The following CHN2 variants were observed in gnomAD, a reference collection of about 807,000 sequenced individuals.
CHN2 encodes chimerin 2.
A neutral mutation model predicts 56.3 loss-of-function variants in CHN2; 35 were observed. The observed-to-expected ratio is 0.62, with a 90% CI of 0.47 to 0.82. The LOEUF (loss-of-function observed/expected upper bound fraction) is 0.82. Among genes scored for constraint, CHN2 ranks in the 40% least tolerant of loss-of-function variants. The probability of loss-of-function intolerance (pLI) is 0.00; values close to 1 mark genes in which losing one functional copy is unlikely to be tolerated. For missense variants in CHN2, 491 were observed against 580.5 expected (o/e 0.85, Z 1.58); for synonymous variants, 210 against 212.8 (o/e 0.99, Z 0.12).
chr7:29,204,627 A>T (rs1784395950), intron 1 of CHN2, among the ~76,000 whole-genome samples: 1 of 152,116 alleles, frequency 6.6e-6, no homozygotes, highest in African/African-American at 2.4e-5. Context: ...GGTTAGCTCT[A>T]GCCAAATATC....
At chr7:29,346,321 C>G (rs1392955384) in intron 1 of CHN2, among the ~76,000 whole-genome samples, 2 of 152,204 alleles carry the variant, frequency 1.3e-5, no homozygotes, top group Admixed American at 1.3e-4. Context: ...ACATCCCACT[C>G]CTGCTGTTGT....
chr7:29,398,066 G>GTT (rs1801902086), intron 4 of CHN2: 1 of 228,944 alleles, frequency 4.4e-6, no homozygotes, highest in African/African-American at 2.3e-5. Flanking sequence ...AAAGGGGGGG[G>GTT]GGGGGCGGTG....
chr7:29,504,773 T>C lies in CHN2; in HGVS notation c.943T>C (p.Ser315Pro). ...GLKSEGLYRV[S>P]GFTEHIEDVK... ...AAAATCGGAAGGCCTTTACAGAGTCTCTGGGTTCACTGAACACATTGAAGA... is the reference window on the plus strand; with the variant it reads ...AAAATCGGAAGGCCTTTACAGAGTCCCTGGGTTCACTGAACACATTGAAGA... Residue 315 changes from serine to proline, a missense_variant, in exon 10 of 13, where the codon TCT becomes CCT. By Grantham distance (74) the Ser-to-Pro change is moderately conservative. Transcript: ENST00000222792. The C allele has an allele frequency of 6.2e-7, 1 of 1,613,368 alleles. No individual in the cohort carries two copies. Among genetic ancestry groups the C allele is most frequent in the Non-Finnish European group, 8.5e-7 (1 of 1,179,738 alleles).
intron 2 of CHN2, among the ~76,000 whole-genome samples, chr7:29,159,521 T>TTG (rs1461070413): frequency 2.0e-5 from 3 of 152,234 alleles, no homozygotes. Flanking sequence ...ATGTAACATG[T>TTG]ATGTGTTATC....
chr7:29,147,171 G>C (rs1027403877), intron 2 of CHN2: 1 of 650,522 alleles, frequency 1.5e-6, no homozygotes, highest in Non-Finnish European at 2.6e-6. Flanking sequence ...GCTGGGCATC[G>C]AGCCAGACAG....
At chr7:29,254,697 GA>G (rs1236961090) in intron 1 of CHN2, among the ~76,000 whole-genome samples, 1 of 152,096 alleles carries the variant, frequency 6.6e-6, no homozygotes, top group Non-Finnish European at 1.5e-5. Context: ...AGCTGCCCCA[GA>G]AAAATCACAC....
At chr7:29,321,879 T>C (rs1191780552) in intron 1 of CHN2, among the ~76,000 whole-genome samples, 1 of 152,142 alleles carries the variant, frequency 6.6e-6, no homozygotes, top group Non-Finnish European at 1.5e-5. Context: ...AAACCCACTT[T>C]TCTATACCTT....
At chr7:29,263,354 C>CA (rs1345547907) in intron 1 of CHN2, among the ~76,000 whole-genome samples, 2 of 152,200 alleles carry the variant, frequency 1.3e-5, no homozygotes, top group Non-Finnish European at 2.9e-5. Context: ...GGCTGGAGTG[C>CA]AGTGGCGTGA....
intron 6 of CHN2, among the ~76,000 whole-genome samples, chr7:29,458,510 C>G (rs1784932539): frequency 6.6e-6 from 1 of 152,036 alleles, no homozygotes; most frequent in African/African-American, 2.4e-5. Context: ...TGTGTCTCAC[C>G]CCTGCCCCCA....
At chr7:29,256,079 CT>C (rs1789053602) in intron 1 of CHN2, among the ~76,000 whole-genome samples, 2 of 152,082 alleles carry the variant, frequency 1.3e-5, no homozygotes. Context: ...TTTTTTCTTT[CT>C]TTTCGTTCAT....
chr7:29,158,875 C>T (rs1167010661), intron 2 of CHN2, among the ~76,000 whole-genome samples: 1 of 152,216 alleles, frequency 6.6e-6, no homozygotes, highest in African/African-American at 2.4e-5. Context: ...TCTGTATAAA[C>T]ATTCCTTTGG....
At chr7:29,457,643 T>G (rs113171700) in intron 6 of CHN2, among the ~76,000 whole-genome samples, 270 of 152,362 alleles carry the variant, frequency 1.8e-3, no homozygotes, top group Non-Finnish European at 2.6e-3. Context: ...GTCTCTGGCC[T>G]TGGAGAACTC....
chr7:29,482,971 G>A (rs568949983), intron 7 of CHN2, among the ~76,000 whole-genome samples: 31 of 151,388 alleles, frequency 2.0e-4, no homozygotes, highest in African/African-American at 5.3e-4. Flanking sequence ...ACAGGCGCCC[G>A]CCAACACACC....
chr7:29,353,379 C>T (rs191016510), intron 1 of CHN2, among the ~76,000 whole-genome samples: 74 of 152,296 alleles, frequency 4.9e-4, no homozygotes, highest in African/African-American at 1.7e-3. Flanking sequence ...AACAGCCAGG[C>T]GCAGTGGCTC....
rs930370845 is a variant in CHN2 at position 29,401,125 on chromosome 7, G to A, written c.576+297G>A. 5.5e-4 allele frequency: 172 copies of A among 312,262 alleles called. 3 individuals carry two copies. The highest frequency in any genetic ancestry group is 1.7e-3 in the South Asian group (45 of 26,096). The allele number at this position is 312,262 out of a possible 1,614,324, so 19.3% of individuals were successfully genotyped here. Reference sequence around the variant, plus strand: ...CTACAAAAAATACAAAAAATCAGCCGGGTGTGGTGGTGGGCGCCTGTAGTC... The same window carrying A: ...CTACAAAAAATACAAAAAATCAGCCAGGTGTGGTGGTGGGCGCCTGTAGTC... On this transcript the variant is annotated intron_variant, in intron 6 of 12. Transcript: ENST00000222792.
At chr7:29,201,484 G>A (rs1661328383) in intron 1 of CHN2, among the ~76,000 whole-genome samples, 1 of 151,782 alleles carries the variant, frequency 6.6e-6, no homozygotes, top group African/African-American at 2.4e-5. Flanking sequence ...CAAAAAAGAA[G>A]TCATAAAGCG....
chr7:29,214,919 G>T (rs754489340), intron 1 of CHN2, among the ~76,000 whole-genome samples: 1 of 152,140 alleles, frequency 6.6e-6, no homozygotes, highest in Non-Finnish European at 1.5e-5. Flanking sequence ...AAATAGATAC[G>T]TAGCAGTCCA....
intron 1 of CHN2, among the ~76,000 whole-genome samples, chr7:29,305,045 G>T (rs1794032822): frequency 6.6e-6 from 1 of 152,158 alleles, no homozygotes; most frequent in South Asian, 2.1e-4. Context: ...CTGTCCTGGA[G>T]AGCTACTTGG....
At chr7:29,338,702 C>T (rs1037135131) in intron 1 of CHN2, among the ~76,000 whole-genome samples, 5 of 152,152 alleles carry the variant, frequency 3.3e-5, no homozygotes, top group African/African-American at 9.7e-5. Flanking sequence ...CCTCAGCCTC[C>T]TGAGTAGCTG....
Sources: allele counts gnomAD v4.1 joint callset (sites outside exome capture counted in the v4.1 genomes callset), GRCh38; gene constraint gnomAD v4.1.1; transcripts MANE v1.5; gene names NCBI Gene and HGNC (gene_info 2026-07-23, HGNC 2026-07-21).